CSMD1: variants seen among roughly 807,000 people sequenced by gnomAD.
The protein encoded by CSMD1 is CUB and Sushi multiple domains 1.
CSMD1 carries 213 observed loss-of-function variants against 417.5 expected under a neutral mutation model. The observed-to-expected ratio is 0.51, with a 90% CI of 0.46 to 0.57. The LOEUF (loss-of-function observed/expected upper bound fraction) is 0.57. CSMD1 is among the 20% of genes least tolerant of loss of function. The pLI is 0.00. For missense variants in CSMD1, 6,923 were observed against 4,529.7 expected, an observed-to-expected ratio of 1.53 and a Z score of -15.17; for synonymous variants, 2,862 against 1,736.8, an observed-to-expected ratio of 1.65 and a Z score of -16.11.
chr8:4,591,824 G>A (rs576259790), intron 2 of CSMD1, among the ~76,000 whole-genome samples: 34 of 152,300 alleles, frequency 2.2e-4, no homozygotes, highest in East Asian at 5.8e-4. Context: ...CAGAAAGACC[G>A]TCTAGGGGGC....
chr8:3,391,891 A>G (rs944557754), intron 17 of CSMD1, among the ~76,000 whole-genome samples: 1 of 152,186 alleles, frequency 6.6e-6, no homozygotes, highest in African/African-American at 2.4e-5. Context: ...TGTATGATGA[A>G]ACAGAAGAGA....
At chr8:4,529,035 G>A (rs1173190739) in intron 2 of CSMD1, among the ~76,000 whole-genome samples, 5 of 152,124 alleles carry the variant, frequency 3.3e-5, no homozygotes, top group Non-Finnish European at 7.3e-5. Context: ...ATATATGTGA[G>A]ACGGTGTTTT....
At chr8:4,352,974 G>A (rs1033224463) in intron 3 of CSMD1, among the ~76,000 whole-genome samples, 2 of 152,168 alleles carry the variant, frequency 1.3e-5, no homozygotes, top group African/African-American at 4.8e-5. Context: ...ATTCTACCAA[G>A]CCTTTGAATG....
chr8:4,392,724 C>T (rs1373411560), intron 3 of CSMD1, among the ~76,000 whole-genome samples: 1 of 151,356 alleles, frequency 6.6e-6, no homozygotes, highest in Admixed American at 6.6e-5. Context: ...AATACCAGCA[C>T]TTTGGGAGGC....
chr8:4,186,590 T>C (rs899077943), intron 3 of CSMD1, among the ~76,000 whole-genome samples: 10 of 152,188 alleles, frequency 6.6e-5, no homozygotes, highest in Admixed American at 6.5e-4. Context: ...GCATTGCTAA[T>C]GTCAAATCAG....
At chr8:4,963,028 C>T (rs1809610039) in intron 1 of CSMD1, among the ~76,000 whole-genome samples, 1 of 152,044 alleles carries the variant, frequency 6.6e-6, no homozygotes, top group Non-Finnish European at 1.5e-5. Context: ...CTGTTTATAG[C>T]CTCCCACCTT....
intron 5 of CSMD1, among the ~76,000 whole-genome samples, chr8:3,926,042 CAAA>C (rs1769551816): frequency 9.8e-6 from 1 of 102,376 alleles, no homozygotes; most frequent in Admixed American, 1.1e-4. Flanking sequence ...CACACACACA[CAAA>C]CACCATATAC....
In CSMD1 at chr8:3,073,365, T is replaced by C. The variant is rs77862898; in HGVS notation, c.7474+13732A>G. 1.2e-3 allele frequency among the ~76,000 whole-genome samples: 182 copies of C among 152,252 alleles called. 3 individuals are homozygous for C. The East Asian group carries it at 0.026, about 22-fold the overall frequency. Reference sequence around the variant, plus strand: ...TAGTGGAGAAAATAATGAAAATAATTACCCAGCAAAGTATTTAATAAATGA... The same window carrying C: ...TAGTGGAGAAAATAATGAAAATAATCACCCAGCAAAGTATTTAATAAATGA... On this transcript the variant is annotated intron_variant, in intron 49 of 69. Coordinates refer to ENST00000635120, the MANE Select transcript of CSMD1 (RefSeq NM_033225.6).
At chr8:3,316,480 G>T (rs1203181445) in intron 23 of CSMD1, among the ~76,000 whole-genome samples, 3 of 152,156 alleles carry the variant, frequency 2.0e-5, no homozygotes, top group African/African-American at 7.2e-5. Context: ...TGAAGGTTGA[G>T]AGGGACAAAG....
At chr8:3,841,105 T>C (rs1050406698) in intron 5 of CSMD1, among the ~76,000 whole-genome samples, 1 of 152,068 alleles carries the variant, frequency 6.6e-6, no homozygotes, top group Admixed American at 6.6e-5. Flanking sequence ...AAATAGAACT[T>C]TTCCAGGAAG....
intron 1 of CSMD1, among the ~76,000 whole-genome samples, chr8:4,708,482 T>A (rs1660536175): frequency 6.6e-6 from 1 of 152,176 alleles, no homozygotes; most frequent in Admixed American, 6.5e-5. Context: ...ATGGTTACCA[T>A]CCTGATAAGT....
Position 4,032,038 on chromosome 8 carries a change from C to G in CSMD1, c.477G>C (p.Thr159=), listed in dbSNP as rs111253069. The G allele has an allele frequency of 1.9e-6, 3 of 1,613,928 alleles. No individual in the cohort carries two copies. The highest frequency in any genetic ancestry group is 2.5e-6 in the Non-Finnish European group (3 of 1,179,862). ...GGATTTTGTCTCCTATGTTGAATCT[C>G]GTTCCATGCAGAACTCCTTTCAGGA... is the stretch of plus-strand genomic sequence containing the variant. The part of the protein sequence containing the change: ...GEILKGVLHG[T]RFNIGDKIRY... The change falls in exon 4 of 70, where the codon ACG becomes ACC. Residue 159 remains threonine, a synonymous_variant. Transcript: ENST00000635120.
intron 1 of CSMD1, among the ~76,000 whole-genome samples, chr8:4,667,221 C>A (rs1050001876): frequency 1.3e-5 from 2 of 152,102 alleles, no homozygotes; most frequent in Non-Finnish European, 1.5e-5. Context: ...ATCTATCTAT[C>A]ATGTTTTCCA....
chr8:3,170,228 G>C (rs532601925), intron 37 of CSMD1, among the ~76,000 whole-genome samples: 24 of 151,820 alleles, frequency 1.6e-4, no homozygotes, highest in African/African-American at 4.6e-4. Context: ...TTTTTTTTGA[G>C]ACGGAGTCTC....
intron 5 of CSMD1, among the ~76,000 whole-genome samples, chr8:3,809,657 C>T (rs2129076332): frequency 6.6e-6 from 1 of 152,272 alleles, no homozygotes; most frequent in African/African-American, 2.4e-5. Flanking sequence ...ATTCTAACAT[C>T]AGGTGATGCT....
chr8:3,461,026 A>G (rs1378663146), intron 12 of CSMD1, among the ~76,000 whole-genome samples: 1 of 152,086 alleles, frequency 6.6e-6, no homozygotes, highest in Non-Finnish European at 1.5e-5. Context: ...GCCCGTTGAG[A>G]GGATATTTGA....
At chr8:4,046,452 A>G (rs556473749) in intron 3 of CSMD1, among the ~76,000 whole-genome samples, 17 of 152,324 alleles carry the variant, frequency 1.1e-4, no homozygotes, top group East Asian at 3.9e-4. Flanking sequence ...GAATTCACAT[A>G]AACAGCTCAA....
At chr8:4,918,090 T>A (rs199520289) in intron 1 of CSMD1, among the ~76,000 whole-genome samples, 2 of 151,418 alleles carry the variant, frequency 1.3e-5, no homozygotes, top group Admixed American at 6.6e-5. Flanking sequence ...AGCAATACTT[T>A]TAAAAAAAGA....
At chr8:4,256,454 G>T (rs772054857) in intron 3 of CSMD1, among the ~76,000 whole-genome samples, 4 of 152,170 alleles carry the variant, frequency 2.6e-5, no homozygotes, top group Non-Finnish European at 4.4e-5. Context: ...AGGTGATATA[G>T]AGACATGAAT....
Sources: allele counts gnomAD v4.1 joint callset (sites outside exome capture counted in the v4.1 genomes callset), GRCh38; gene constraint gnomAD v4.1.1; transcripts MANE v1.5; gene names NCBI Gene and HGNC (gene_info 2026-07-23, HGNC 2026-07-21).